Variants in HS3ST3A1 observed in about 807,000 individuals in gnomAD.
HS3ST3A1 encodes the protein heparan sulfate glucosamine 3-O-sulfotransferase 3A1.
HS3ST3A1 carries 19 observed loss-of-function variants against 25.7 expected under a neutral mutation model. The observed-to-expected ratio is 0.74, with a 90% CI of 0.52 to 1.08. The LOEUF (loss-of-function observed/expected upper bound fraction) is 1.08, where lower values mean the gene tolerates loss of function less well. HS3ST3A1 is among the 50% of genes least tolerant of loss of function. The pLI, the probability that HS3ST3A1 is intolerant of heterozygous loss-of-function variation, is 0.00. For missense variants in HS3ST3A1, 459 were observed against 594.3 expected (o/e 0.77, Z 2.37); for synonymous variants, 226 against 278.6 (o/e 0.81, Z 1.88).
chr17:13,568,968 T>A (rs1907738794), intron 1 of HS3ST3A1, among the ~76,000 whole-genome samples: 1 of 152,170 alleles, frequency 6.6e-6, no homozygotes, highest in African/African-American at 2.4e-5. Context: ...CTTTTTTTAT[T>A]TTTATTTTTT....
At chr17:13,569,102 C>A (rs1907741958) in intron 1 of HS3ST3A1, among the ~76,000 whole-genome samples, 1 of 152,126 alleles carries the variant, frequency 6.6e-6, no homozygotes, top group Non-Finnish European at 1.5e-5. Flanking sequence ...TATGTATAGG[C>A]ATGGTTTTGT....
At chr17:13,557,826 A>T (rs1907424170) in intron 1 of HS3ST3A1, among the ~76,000 whole-genome samples, 1 of 152,222 alleles carries the variant, frequency 6.6e-6, no homozygotes, top group South Asian at 2.1e-4. Context: ...ATGTTTTGGA[A>T]AAAGATCTCA....
At chr17:13,552,980 T>C (rs757960548) in intron 1 of HS3ST3A1, among the ~76,000 whole-genome samples, 2 of 152,214 alleles carry the variant, frequency 1.3e-5, no homozygotes, top group Non-Finnish European at 2.9e-5. Context: ...AAGTTGCCTG[T>C]AGTGCCATTT....
intron 1 of HS3ST3A1, among the ~76,000 whole-genome samples, chr17:13,500,894 C>T (rs79684865): frequency 0.065 from 9,895 of 152,192 alleles, 419 homozygotes; most frequent in East Asian, 0.13. Context: ...GACAGATGAA[C>T]GGATAAACAA....
At chr17:13,497,747 G>A (rs1905330769) in intron 1 of HS3ST3A1, among the ~76,000 whole-genome samples, 1 of 152,228 alleles carries the variant, frequency 6.6e-6, no homozygotes, top group African/African-American at 2.4e-5. Flanking sequence ...GACAGTTACA[G>A]ACAGTTGGAT....
intron 1 of HS3ST3A1, among the ~76,000 whole-genome samples, chr17:13,504,879 A>G (rs949612378): frequency 6.6e-6 from 1 of 152,212 alleles, no homozygotes; most frequent in Non-Finnish European, 1.5e-5. Context: ...CACATGGGCC[A>G]CTATGAGCAC....
chr17:13,558,956 C>G (rs1033659765), intron 1 of HS3ST3A1, among the ~76,000 whole-genome samples: 2 of 152,202 alleles, frequency 1.3e-5, no homozygotes, highest in Non-Finnish European at 2.9e-5. Context: ...AATAATACTG[C>G]TCTGTGCTCA....
chr17:13,542,501 C>A (rs892926057), intron 1 of HS3ST3A1, among the ~76,000 whole-genome samples: 1 of 151,878 alleles, frequency 6.6e-6, no homozygotes, highest in East Asian at 1.9e-4. Flanking sequence ...GGAGAGAGGT[C>A]GCGGGAGAGA....
At chr17:13,504,715 A>T (rs1239764064) in intron 1 of HS3ST3A1, among the ~76,000 whole-genome samples, 1 of 152,218 alleles carries the variant, frequency 6.6e-6, no homozygotes, top group African/African-American at 2.4e-5. Context: ...TGATTTTTTT[A>T]AAGGGTATTT....
At chr17:13,538,775 G>T (rs1380730354) in intron 1 of HS3ST3A1, among the ~76,000 whole-genome samples, 2 of 152,110 alleles carry the variant, frequency 1.3e-5, no homozygotes, top group Admixed American at 6.5e-5. Flanking sequence ...GGACACGAAA[G>T]CAGGAGAGCC....
chr17:13,528,705 G>T (rs1906512685), intron 1 of HS3ST3A1, among the ~76,000 whole-genome samples: 1 of 152,226 alleles, frequency 6.6e-6, no homozygotes, highest in South Asian at 2.1e-4. Flanking sequence ...ATGCAATGCA[G>T]AAGAGGGTGT....
At chr17:13,525,485 T>G (rs1271083754) in intron 1 of HS3ST3A1, among the ~76,000 whole-genome samples, 3 of 152,186 alleles carry the variant, frequency 2.0e-5, no homozygotes, top group Non-Finnish European at 4.4e-5. Flanking sequence ...TTTCCCTTGA[T>G]TAAACTTTTC....
At chr17:13,565,415 C>T (rs1211530212) in intron 1 of HS3ST3A1, among the ~76,000 whole-genome samples, 1 of 152,066 alleles carries the variant, frequency 6.6e-6, no homozygotes, top group African/African-American at 2.4e-5. Context: ...ACCTGTAGTC[C>T]CAGCTACTCC....
chr17:13,550,589 T>C (rs1054605421), intron 1 of HS3ST3A1, among the ~76,000 whole-genome samples: 18 of 151,900 alleles, frequency 1.2e-4, no homozygotes, highest in Admixed American at 1.1e-3. Context: ...GTTTTATGAG[T>C]GAAAAATAAA....
At chr17:13,507,478 A>G (rs759566679) in intron 1 of HS3ST3A1, among the ~76,000 whole-genome samples, 39 of 152,222 alleles carry the variant, frequency 2.6e-4, no homozygotes, top group Non-Finnish European at 4.7e-4. Flanking sequence ...CTTTTGGTTG[A>G]TGTTCCTGGC....
chr17:13,504,719 G>A (rs1905601129), intron 1 of HS3ST3A1, among the ~76,000 whole-genome samples: 1 of 152,056 alleles, frequency 6.6e-6, no homozygotes, highest in African/African-American at 2.4e-5. Context: ...TTTTTTAAAG[G>A]GTATTTGCGA....
chr17:13,549,473 C>T (rs997062151), intron 1 of HS3ST3A1, among the ~76,000 whole-genome samples: 3 of 152,208 alleles, frequency 2.0e-5, no homozygotes, highest in Non-Finnish European at 4.4e-5. Flanking sequence ...CATTGCACTG[C>T]TCAGCCTCTG....
At chr17:13,538,789 C>G (rs1239137254) in intron 1 of HS3ST3A1, among the ~76,000 whole-genome samples, 1 of 152,148 alleles carries the variant, frequency 6.6e-6, no homozygotes, top group East Asian at 1.9e-4. Flanking sequence ...GAGAGCCTAT[C>G]TGGAGAAGGA....
At chr17:13,586,030 G>A (rs1908256584) in intron 1 of HS3ST3A1, among the ~76,000 whole-genome samples, 1 of 151,252 alleles carries the variant, frequency 6.6e-6, no homozygotes, top group Non-Finnish European at 1.5e-5. Context: ...TTGTATTTTA[G>A]TAGAGACGGG....
Sources: gnomAD v4.1 joint callset for allele counts (sites outside exome capture counted in the v4.1 genomes callset) on GRCh38, gnomAD v4.1.1 for gene constraint, MANE v1.5 for transcripts, NCBI Gene and HGNC (gene_info 2026-07-23, HGNC 2026-07-21) for gene names.